Variants in C4BPB observed in about 807,000 individuals in gnomAD.
C4BPB encodes the protein C4b-binding protein beta chain.
C4BPB carries 19 observed loss-of-function variants against 26.6 expected under a neutral mutation model. The ratio of observed to expected loss-of-function variants is 0.71; its 90% CI spans 0.50 to 1.05. C4BPB has a LOEUF of 1.05. Among genes scored for constraint, C4BPB ranks in the 50% least tolerant of loss-of-function variants. The probability of loss-of-function intolerance (pLI) is 0.00; values close to 1 mark genes in which losing one functional copy is unlikely to be tolerated. For missense variants in C4BPB, 282 were observed against 302.9 expected (o/e 0.93, Z 0.51); for synonymous variants, 118 against 103.5 (o/e 1.14, Z -0.85).
At chr1:207,092,293 G>T (rs1684059276) in intron 4 of C4BPB, among the ~76,000 whole-genome samples, 1 of 152,000 alleles carries the variant, frequency 6.6e-6, no homozygotes, top group East Asian at 1.9e-4. Context: ...TGTTTATACA[G>T]ACATTTAAAA....
In C4BPB at chr1:207,099,805, G is replaced by A. The variant is rs554029221; in HGVS notation, c.635G>A (p.Ser212Asn). The change falls in exon 7 of 7, where the codon AGT (serine) becomes AAT (asparagine). Residue 212 changes from serine (S) to asparagine (N), a missense_variant. Transcript: ENST00000367078. Reference sequence around the variant, plus strand: ...TTTCTTCAGCTTGCCTTTCAGGAGAGTAAGAACCTCTGCGAAGCCATGGAG... The same window carrying A: ...TTTCTTCAGCTTGCCTTTCAGGAGAATAAGAACCTCTGCGAAGCCATGGAG... ...CEKALLAFQE[S>N]KNLCEAMENF... is the part of the protein sequence containing the mutation. The A allele has an allele frequency of 1.2e-6, 2 of 1,613,498 alleles. No individual in the cohort carries two copies. The highest frequency in any genetic ancestry group is 2.2e-5 in the South Asian group (2 of 90,902).
At position 207,097,540 on chromosome 1, in the gene C4BPB, T is replaced by TAAAA. The variant is rs36078505; in HGVS notation, c.504-592_504-589dup. ...GCCTGGCCTAAAATGTATGTTTTTC[T>TAAAA]AAAAAAAAAAAAAAAAAAAAATCAG... is the stretch of plus-strand genomic sequence containing the variant. On this transcript the variant is annotated intron_variant, in intron 5 of 6. Coordinates refer to ENST00000367078, the MANE Select transcript of C4BPB (RefSeq NM_001017365.3). 2.3e-3 allele frequency among the ~76,000 whole-genome samples: 266 copies of TAAAA among 115,806 alleles called. 10 individuals are homozygous for TAAAA. The highest frequency in any genetic ancestry group is 0.013 in the South Asian group (43 of 3,302). 76.0% of individuals were successfully genotyped at this position (115,806 alleles called of 152,430 possible). A position where few individuals can be genotyped will look rare whatever the true frequency, so the allele number is the denominator to read the frequency against.
In C4BPB at chr1:207,094,232, T is replaced by G. The variant is rs372406997; in HGVS notation, c.410-2290T>G. On this transcript the variant is annotated intron_variant, in intron 4 of 6. Coordinates refer to ENST00000367078, the MANE Select transcript of C4BPB (RefSeq NM_001017365.3). Reference sequence around the variant, plus strand: ...AGTGCATACCTGCAGTCCCAGCTACTTGGGAAGCTAAGGCAGGAGGATAGC... The same window carrying G: ...AGTGCATACCTGCAGTCCCAGCTACGTGGGAAGCTAAGGCAGGAGGATAGC... 4.6e-4 allele frequency among the ~76,000 whole-genome samples: 70 copies of G among 152,146 alleles called. 2 individuals are homozygous for G. In the South Asian group the frequency reaches 0.014, roughly 31 times the overall value.
At chr1:207,098,417 C>T (rs1684343229) in intron 6 of C4BPB, among the ~76,000 whole-genome samples, 153 bp downstream of exon 6, 1 of 152,224 alleles carries the variant, frequency 6.6e-6, no homozygotes, top group African/African-American at 2.4e-5. Context: ...GACTCATAAA[C>T]TATTAACTCA....
chr1:207,095,071 A>C (rs1009598469), intron 4 of C4BPB: 2 of 312,092 alleles, frequency 6.4e-6, no homozygotes, highest in African/African-American at 4.5e-5. Context: ...ATATACACCC[A>C]CATAATCATT....
At position 207,091,738 on chromosome 1, in the gene C4BPB, C is replaced by T; in HGVS notation, c.327C>T (p.Asp109=). 6.2e-7 allele frequency: 1 copy of T among 1,614,024 alleles called. No homozygotes were observed. The highest frequency in any genetic ancestry group is 1.1e-5 in the South Asian group (1 of 91,074). The change falls in exon 4 of 7, where the codon GAC becomes GAT. Residue 109 remains aspartate (D), a synonymous_variant. Coordinates refer to ENST00000367078, the MANE Select transcript of C4BPB (RefSeq NM_001017365.3). ...VSDKITFMCN[D]HYILKGSNRS... is the part of the protein sequence containing the mutation. ...ACAAAATCACGTTTATGTGCAATGA[C>T]CACTACATCCTCAAGGGCAGCAATC... is the stretch of plus-strand genomic sequence containing the variant.
In C4BPB at chr1:207,096,593, A is replaced by G. The variant is rs760215370; in HGVS notation, c.481A>G (p.Ile161Val). Reference protein sequence around the residue: ...EGNNFTLGSTISYYCEDRYYL... With the variant: ...EGNNFTLGSTVSYYCEDRYYL... Reference sequence around the variant, plus strand: ...AAATAACTTCACCTTAGGATCCACCATTAGTTATTACTGTGAAGACAGGTA... The same window carrying G: ...AAATAACTTCACCTTAGGATCCACCGTTAGTTATTACTGTGAAGACAGGTA... The change falls in exon 5 of 7, where the codon ATT becomes GTT. Residue 161 changes from isoleucine (I) to valine (V), a missense_variant. Transcript: ENST00000367078. The G allele has an allele frequency of 2.5e-6, 4 of 1,598,536 alleles. No homozygotes were observed. Among genetic ancestry groups the G allele is most frequent in the Admixed American group, 3.4e-5 (2 of 59,676 alleles).
At chr1:207,091,075 G>T (rs2102303945) in intron 3 of C4BPB, among the ~76,000 whole-genome samples, 1 of 152,272 alleles carries the variant, frequency 6.6e-6, no homozygotes, top group South Asian at 2.1e-4. Context: ...TGGAGATGGG[G>T]AATAATTAAT....
rs1462354662 is a variant in C4BPB at position 207,092,631 on chromosome 1, T to TTC, written c.409+812_409+813insCT. On this transcript the variant is annotated intron_variant, in intron 4 of 6. Coordinates refer to ENST00000367078, the MANE Select transcript of C4BPB (RefSeq NM_001017365.3). ...TCTACGTTGTTATTTCTTTCTTTCT[T>TTC]TTTTTTTTTTTTTTGAGATGGAGTC... Among the ~76,000 whole-genome samples, 311 of 142,518 alleles carry TTC rather than the reference T, an allele frequency of 2.2e-3. 2 individuals carry two copies. The highest frequency in any genetic ancestry group is 7.9e-3 in the African/African-American group (292 of 37,184). The allele number at this position is 142,518 out of a possible 152,430, so 93.5% of individuals were successfully genotyped here.
chr1:207,098,093 C>T (rs1684329774), intron 5 of C4BPB, 57 bp from the exon 6 acceptor site: 1 of 1,334,362 alleles, frequency 7.5e-7, no homozygotes, highest in Non-Finnish European at 1.1e-6. Flanking sequence ...CAAAACCAGT[C>T]TCCATTACCC....
chr1:207,098,596 G>T (rs1208526999), intron 6 of C4BPB, among the ~76,000 whole-genome samples: 1 of 152,142 alleles, frequency 6.6e-6, no homozygotes, highest in African/African-American at 2.4e-5. Context: ...CCACGGATGG[G>T]GGTGGGGAGA....
chr1:207,090,390 C>A lies in C4BPB; in HGVS notation c.141C>A (p.Tyr47Ter), dbSNP rs773888289. Residue 47 changes from tyrosine to a stop codon, truncating the protein, a stop_gained, in exon 3 of 7, where the codon TAC becomes TAA. Coordinates refer to ENST00000367078, the MANE Select transcript of C4BPB (RefSeq NM_001017365.3). LOFTEE classifies it high-confidence loss of function. ...TGGAAGGACAGATTCTGGGGACTTA[C>A]GTTTGTATCAAGGGCTACCACCTGG... is the stretch of plus-strand genomic sequence containing the variant. ...KEVEGQILGT[Y>*]VCIKGYHLVG... The A allele has an allele frequency of 6.2e-7, 1 of 1,613,812 alleles. No homozygotes were observed. Among genetic ancestry groups the A allele is most frequent in the East Asian group, 2.2e-5 (1 of 44,882 alleles).
At chr1:207,097,425 C>T (rs1256575779) in intron 5 of C4BPB, among the ~76,000 whole-genome samples, 2 of 151,084 alleles carry the variant, frequency 1.3e-5, no homozygotes, top group African/African-American at 4.9e-5. Context: ...GTTGCTCAGG[C>T]TGGTCTTGAA....
intron 4 of C4BPB, among the ~76,000 whole-genome samples, chr1:207,094,102 A>G (rs1414833052): frequency 1.3e-5 from 2 of 152,256 alleles, no homozygotes; most frequent in Non-Finnish European, 2.9e-5. Context: ...AATACTATTC[A>G]TGACCTGAGG....
At chr1:207,099,032 C>T (rs1572764107) in intron 6 of C4BPB, among the ~76,000 whole-genome samples, 1 of 149,834 alleles carries the variant, frequency 6.7e-6, no homozygotes, top group South Asian at 2.1e-4. Context: ...TGATGGGAGA[C>T]AGTGACAGAT....
At chr1:207,095,995 T>C in intron 4 of C4BPB, 1 of 177,934 alleles carries the variant, frequency 5.6e-6, no homozygotes, top group Non-Finnish European at 1.2e-5. Flanking sequence ...CCTGCAGAAC[T>C]GTGAGCCAAT....
In C4BPB at chr1:207,089,510, G is replaced by A. The variant is rs1460362406; in HGVS notation, c.-22G>A. 7 of 1,613,172 alleles carry A rather than the reference G, an allele frequency of 4.3e-6. No individual in the cohort carries two copies. The highest frequency in any genetic ancestry group is 1.3e-5 in the African/African-American group (1 of 74,876). On this transcript the variant is annotated 5_prime_UTR_variant, in exon 2 of 7. Coordinates refer to ENST00000367078, the MANE Select transcript of C4BPB (RefSeq NM_001017365.3). ...TCTGAGCTGGGTGAATTCCAGCCTG[G>A]GGAGAGGACTTTGATCACCAGATGT...
At chr1:207,096,439 G>C in intron 4 of C4BPB, 83 bp from the exon 5 acceptor site, 1 of 822,942 alleles carries the variant, frequency 1.2e-6, no homozygotes, top group South Asian at 1.4e-5. Context: ...TCAGGTGCTG[G>C]CATAAACAGC....
rs755035584 is a variant in C4BPB at position 207,089,482 on chromosome 1, G to C, written c.-50G>C. 10 of 1,547,424 alleles carry C rather than the reference G, an allele frequency of 6.5e-6. No homozygotes were observed. The highest frequency in any genetic ancestry group is 8.9e-6 in the Non-Finnish European group (10 of 1,119,604). On this transcript the variant is annotated splice_region_variant and 5_prime_UTR_variant, in exon 2 of 7. Coordinates refer to ENST00000367078, the MANE Select transcript of C4BPB (RefSeq NM_001017365.3). ...GAAGATCTATTTTTTTTCAAACCAG[G>C]TGTCTGAGCTGGGTGAATTCCAGCC... is the stretch of plus-strand genomic sequence containing the variant.
Sources: allele counts gnomAD v4.1 joint callset (sites outside exome capture counted in the v4.1 genomes callset), GRCh38; gene constraint gnomAD v4.1.1; transcripts MANE v1.5; gene names NCBI Gene and HGNC (gene_info 2026-07-23, HGNC 2026-07-21).